The following ST6GALNAC3 variants were observed in gnomAD, a reference collection of about 807,000 sequenced individuals.
ST6GALNAC3 encodes alpha-N-acetylgalactosaminide alpha-2,6-sialyltransferase 3.
Under a neutral mutation model 32.7 loss-of-function variants are expected in ST6GALNAC3, and 25 were observed. The observed-to-expected ratio is 0.76, with a 90% CI of 0.56 to 1.07. The LOEUF is 1.07. Ranked by LOEUF, ST6GALNAC3 falls within the 50% of genes least tolerant of loss-of-function variation. The pLI, the probability that ST6GALNAC3 is intolerant of heterozygous loss-of-function variation, is 0.00. For synonymous variants in ST6GALNAC3, 129 were observed against 133.1 expected, an observed-to-expected ratio of 0.97 and a Z score of 0.21; for missense variants, 355 against 382.4, an observed-to-expected ratio of 0.93 and a Z score of 0.60.
At chr1:76,329,817 T>TTTAC (rs1238817774) in intron 2 of ST6GALNAC3, among the ~76,000 whole-genome samples, 61 of 151,836 alleles carry the variant, frequency 4.0e-4, no homozygotes, top group Non-Finnish European at 5.4e-4. Flanking sequence ...TATTTATTTA[T>TTTAC]TTATTTTTTG....
intron 1 of ST6GALNAC3, among the ~76,000 whole-genome samples, chr1:76,124,601 A>G (rs1487833844): frequency 6.6e-6 from 1 of 152,184 alleles, no homozygotes; most frequent in Non-Finnish European, 1.5e-5. Flanking sequence ...CTCTTCAGCA[A>G]CAAACACGGG....
chr1:76,636,933 T>C (rs1474416327), downstream of ST6GALNAC3: 5 of 152,202 alleles, frequency 3.3e-5, no homozygotes, highest in African/African-American at 9.7e-5. Flanking sequence ...TAGTGTCTAG[T>C]TGGTAAATGA....
intron 3 of ST6GALNAC3, among the ~76,000 whole-genome samples, chr1:76,432,060 G>A (rs1191808064): frequency 1.3e-5 from 2 of 152,072 alleles, no homozygotes; most frequent in Non-Finnish European, 2.9e-5. Context: ...TTTCTAGAAT[G>A]TCATATACTT....
intron 1 of ST6GALNAC3, among the ~76,000 whole-genome samples, chr1:76,156,853 T>A (rs6673952): frequency 6.6e-6 from 1 of 152,190 alleles, no homozygotes; most frequent in South Asian, 2.1e-4. Context: ...TGCCTCAGCC[T>A]CCCAAGTAGC....
rs372634879 is a variant in ST6GALNAC3 at position 76,523,720 on chromosome 1, C to T, written c.624-103732C>T. On this transcript the variant is annotated intron_variant, in intron 3 of 4. Transcript: ENST00000328299. ...GAGTACAAAATGTCCCACTCCACCA[C>T]TCAGGGTTTGTAGCTTAGCTCTTTA... is the stretch of plus-strand genomic sequence containing the variant. Among the ~76,000 whole-genome samples, 8 of 152,288 alleles carry T rather than the reference C, an allele frequency of 5.3e-5. No homozygotes were observed. In the East Asian group the frequency reaches 9.6e-4, roughly 18 times the overall value.
chr1:76,600,347 C>A (rs1647203849), intron 3 of ST6GALNAC3, among the ~76,000 whole-genome samples: 2 of 152,170 alleles, frequency 1.3e-5, no homozygotes, highest in African/African-American at 4.8e-5. Flanking sequence ...TTTATTATAG[C>A]AACCCAAATT....
intron 1 of ST6GALNAC3, among the ~76,000 whole-genome samples, chr1:76,141,792 C>T (rs1452618262): frequency 6.6e-6 from 1 of 152,156 alleles, no homozygotes; most frequent in Non-Finnish European, 1.5e-5. Context: ...AATTCAGTCT[C>T]CTCATGACAA....
intron 1 of ST6GALNAC3, among the ~76,000 whole-genome samples, chr1:76,136,923 G>A (rs979023449): frequency 1.3e-5 from 2 of 152,202 alleles, no homozygotes; most frequent in African/African-American, 2.4e-5. Flanking sequence ...TCCAGTGTCA[G>A]TCAATCCTAG....
chr1:76,301,993 G>A (rs1660754474), intron 1 of ST6GALNAC3, among the ~76,000 whole-genome samples: 1 of 151,960 alleles, frequency 6.6e-6, no homozygotes, highest in Non-Finnish European at 1.5e-5. Context: ...TGTGGGCTGA[G>A]GGATAATCAT....
intron 3 of ST6GALNAC3, among the ~76,000 whole-genome samples, chr1:76,613,943 T>C (rs1422823961): frequency 6.6e-6 from 1 of 152,252 alleles, no homozygotes; most frequent in Non-Finnish European, 1.5e-5. Flanking sequence ...TTGGGTTGGA[T>C]TCCTGACATC....
intron 3 of ST6GALNAC3, among the ~76,000 whole-genome samples, chr1:76,585,968 G>T (rs566156037): frequency 1.3e-5 from 2 of 152,232 alleles, no homozygotes; most frequent in South Asian, 4.1e-4. Context: ...TTTCTAATTA[G>T]ATTTCATTTG....
chr1:76,215,826 A>G (rs1438681416), intron 1 of ST6GALNAC3, among the ~76,000 whole-genome samples: 1 of 152,192 alleles, frequency 6.6e-6, no homozygotes, highest in East Asian at 1.9e-4. Context: ...ATTCCAGAGG[A>G]TAGAAAGCAG....
intron 3 of ST6GALNAC3, among the ~76,000 whole-genome samples, chr1:76,473,045 T>G (rs1659135041): frequency 6.6e-6 from 1 of 152,062 alleles, no homozygotes; most frequent in African/African-American, 2.4e-5. Flanking sequence ...TCTTGTTCTC[T>G]AAGGCTGAGG....
At chr1:76,350,434 T>C (rs1648880596) in intron 2 of ST6GALNAC3, among the ~76,000 whole-genome samples, 1 of 152,210 alleles carries the variant, frequency 6.6e-6, no homozygotes, top group Admixed American at 6.5e-5. Context: ...ATTTAAGCTT[T>C]AATTTTTAAA....
chr1:76,234,609 C>G (rs1352555568), intron 1 of ST6GALNAC3, among the ~76,000 whole-genome samples: 2 of 151,508 alleles, frequency 1.3e-5, no homozygotes, highest in Admixed American at 6.6e-5. Context: ...ATAACCTGGG[C>G]TCTACACCTG....
chr1:76,277,549 TATATATATATATATATATACACACACAC>T (rs1659213557), intron 1 of ST6GALNAC3, among the ~76,000 whole-genome samples: 2 of 48,768 alleles, frequency 4.1e-5, no homozygotes, highest in African/African-American at 1.6e-4. Context: ...TATATATATA[TATATATATATATATATATACACACACAC>T]ATATGTTTAT....
chr1:76,126,481 C>T (rs762444228), intron 1 of ST6GALNAC3, among the ~76,000 whole-genome samples: 12 of 123,136 alleles, frequency 9.7e-5, no homozygotes, highest in Admixed American at 2.7e-4. Flanking sequence ...TCTTTCATGA[C>T]GAATGAATAT....
intron 1 of ST6GALNAC3, among the ~76,000 whole-genome samples, chr1:76,254,485 A>C (rs1232776961): frequency 6.6e-6 from 1 of 152,132 alleles, no homozygotes; most frequent in Non-Finnish European, 1.5e-5. Flanking sequence ...CAGTGGGCAG[A>C]GTTTACATTG....
chr1:76,287,422 C>T (rs1407291583), intron 1 of ST6GALNAC3, among the ~76,000 whole-genome samples: 1 of 139,394 alleles, frequency 7.2e-6, no homozygotes, highest in Admixed American at 7.6e-5. Flanking sequence ...ATGGCACCAG[C>T]TGAGTGTGGG....
Sources: allele counts gnomAD v4.1 joint callset (sites outside exome capture counted in the v4.1 genomes callset), GRCh38; gene constraint gnomAD v4.1.1; transcripts MANE v1.5; gene names NCBI Gene and HGNC (gene_info 2026-07-23, HGNC 2026-07-21).